The following MYL4 variants were observed in gnomAD, a reference collection of about 807,000 sequenced individuals.
MYL4 encodes myosin light chain 4, also known as atrial myosin light chain 1.
MYL4 carries 16 observed loss-of-function variants against 21.6 expected under a neutral mutation model. The observed-to-expected ratio is 0.74, with a 90% confidence interval of 0.50 to 1.12. The LOEUF (loss-of-function observed/expected upper bound fraction) is 1.12, where lower values mean the gene tolerates loss of function less well. MYL4 is among the 50% of genes most tolerant of loss of function. The probability of loss-of-function intolerance (pLI) is 0.00; values close to 1 mark genes in which losing one functional copy is unlikely to be tolerated. For synonymous variants in MYL4, 82 were observed against 95.7 expected, an observed-to-expected ratio of 0.86 and a Z score of 0.83; for missense variants, 249 against 252.9, an observed-to-expected ratio of 0.98 and a Z score of 0.11.
upstream of MYL4, among the ~76,000 whole-genome samples, chr17:47,206,433 A>G (rs763555672): frequency 6.6e-6 from 1 of 152,094 alleles, no homozygotes; most frequent in Non-Finnish European, 1.5e-5. Context: ...ATAACATAAT[A>G]CTAACTTGTT....
At chr17:47,217,409 G>C (rs933432416) in intron 2 of MYL4, among the ~76,000 whole-genome samples, 2 of 151,720 alleles carry the variant, frequency 1.3e-5, no homozygotes, top group African/African-American at 2.4e-5. Context: ...AGTGAGCTGA[G>C]ATTGTGCCAC....
chr17:47,200,991 G>T (rs929997035), intron 1 of MYL4, among the ~76,000 whole-genome samples: 2 of 152,164 alleles, frequency 1.3e-5, no homozygotes, highest in Non-Finnish European at 2.9e-5. Context: ...GGCCAACATG[G>T]TGAAACCCTG....
At chr17:47,209,006 G>C (rs1173300575), upstream of MYL4, 1 of 233,380 alleles carries the variant, frequency 4.3e-6, no homozygotes, top group Non-Finnish European at 8.4e-6. Flanking sequence ...GCTAAAAAAA[G>C]CCTCACCCTC....
chr17:47,200,895 G>T (rs1223766483), intron 1 of MYL4, among the ~76,000 whole-genome samples: 1 of 152,204 alleles, frequency 6.6e-6, no homozygotes, highest in Non-Finnish European at 1.5e-5. Flanking sequence ...GTGTTGGCTG[G>T]GCGCTATGGC....
intron 2 of MYL4, among the ~76,000 whole-genome samples, chr17:47,216,525 T>C (rs1274808636): frequency 6.6e-6 from 1 of 152,098 alleles, no homozygotes; most frequent in Non-Finnish European, 1.5e-5. Context: ...AGGATAATAA[T>C]ACCTATAGCA....
upstream of MYL4, among the ~76,000 whole-genome samples, chr17:47,207,750 T>C (rs1354646291): frequency 6.6e-6 from 1 of 152,210 alleles, no homozygotes; most frequent in Admixed American, 6.5e-5. Flanking sequence ...TTCTGAATTA[T>C]TTTGTTGACT....
chr17:47,226,864 C>CT (rs565004527), downstream of MYL4, among the ~76,000 whole-genome samples: 10 of 151,932 alleles, frequency 6.6e-5, no homozygotes, highest in South Asian at 1.0e-3. Context: ...TTTTCTCTCT[C>CT]TTTTTTTTGA....
At chr17:47,219,543 C>G (rs1442425959) in intron 2 of MYL4, among the ~76,000 whole-genome samples, 1 of 152,048 alleles carries the variant, frequency 6.6e-6, no homozygotes, top group East Asian at 1.9e-4. Context: ...GAGTTTCACT[C>G]TGTCACCCAG....
intron 4 of MYL4, 149 bp from the exon 5 acceptor site, chr17:47,222,231 C>G (rs1045245863): frequency 1.3e-6 from 1 of 781,930 alleles, no homozygotes; most frequent in Non-Finnish European, 2.2e-6. Flanking sequence ...TGGCCGCACC[C>G]TTCAGAACCT....
chr17:47,192,007 G>A, the MYL4 span, among the ~76,000 whole-genome samples: 1 of 152,142 alleles, frequency 6.6e-6, no homozygotes, highest in African/African-American at 2.4e-5. Flanking sequence ...TTGGCACTCT[G>A]GCTTATAGGC....
At chr17:47,202,675 G>A (rs889178135) in intron 1 of MYL4, among the ~76,000 whole-genome samples, 3 of 151,746 alleles carry the variant, frequency 2.0e-5, no homozygotes, top group Admixed American at 6.6e-5. Context: ...AATTCAAAGA[G>A]GTATTGTATA....
chr17:47,220,564 C>T (rs1168953822), intron 3 of MYL4, among the ~76,000 whole-genome samples: 4 of 152,218 alleles, frequency 2.6e-5, no homozygotes, highest in African/African-American at 9.7e-5. Flanking sequence ...CTGCCTCTTT[C>T]ATTCATTTGC....
At chr17:47,222,226 G>A (rs114091102) in intron 4 of MYL4, 154 bp from the exon 5 acceptor site, 11 of 738,470 alleles carry the variant, frequency 1.5e-5, no homozygotes, top group East Asian at 5.2e-5. Flanking sequence ...ACCCTTGGCC[G>A]CACCCTTCAG....
intron 2 of MYL4, among the ~76,000 whole-genome samples, chr17:47,214,415 TC>T (rs2064799253): frequency 6.6e-6 from 1 of 152,128 alleles, no homozygotes; most frequent in African/African-American, 2.4e-5. Context: ...ATGCTCTGTG[TC>T]CCCAGCTGTA....
At chr17:47,202,447 T>C (rs1304102963) in intron 1 of MYL4, among the ~76,000 whole-genome samples, 1 of 152,254 alleles carries the variant, frequency 6.6e-6, no homozygotes, top group African/African-American at 2.4e-5. Context: ...GTCCCAAGCA[T>C]ACTTAAAAGT....
intron 1 of MYL4, among the ~76,000 whole-genome samples, chr17:47,212,762 T>A (rs911820298): frequency 1.3e-5 from 2 of 152,208 alleles, no homozygotes; most frequent in African/African-American, 4.8e-5. Context: ...GAAACTGTCA[T>A]GTTTGGGGAT....
At chr17:47,189,579 G>C in the MYL4 span, among the ~76,000 whole-genome samples, 1 of 152,296 alleles carries the variant, frequency 6.6e-6, no homozygotes, top group Non-Finnish European at 1.5e-5. Flanking sequence ...GGCGTGGCGT[G>C]ACAGCGCGGG....
chr17:47,225,598 T>C (rs997661322), downstream of MYL4, among the ~76,000 whole-genome samples: 2 of 152,210 alleles, frequency 1.3e-5, no homozygotes, highest in Non-Finnish European at 2.9e-5. Flanking sequence ...AAATGGGAAG[T>C]GACTTAATCA....
At chr17:47,211,197 T>A (rs1288543422) in intron 1 of MYL4, among the ~76,000 whole-genome samples, 1 of 152,188 alleles carries the variant, frequency 6.6e-6, no homozygotes, top group Non-Finnish European at 1.5e-5. Context: ...AGAGACATTT[T>A]CCCTATTATT....
Sources: allele counts gnomAD v4.1 joint callset (sites outside exome capture counted in the v4.1 genomes callset), GRCh38; gene constraint gnomAD v4.1.1; transcripts MANE v1.5; gene names NCBI Gene and HGNC (gene_info 2026-07-23, HGNC 2026-07-21).